Variants in CMIP observed in about 807,000 individuals in gnomAD.
The protein encoded by CMIP is C-Maf-inducing protein.
A neutral mutation model predicts 97.3 loss-of-function variants in CMIP; 13 were observed. The ratio of observed to expected loss-of-function variants is 0.13; its 90% confidence interval spans 0.09 to 0.21. The LOEUF is 0.21. CMIP is among the 10% of genes least tolerant of loss of function. The probability of loss-of-function intolerance (pLI) is 1.00; values close to 1 mark genes in which losing one functional copy is unlikely to be tolerated. For missense variants in CMIP, 847 were observed against 1,024.9 expected (o/e 0.83, Z 2.37); for synonymous variants, 538 against 436.3 (o/e 1.23, Z -2.91).
intron 1 of CMIP, among the ~76,000 whole-genome samples, chr16:81,469,501 C>T (rs967429420): frequency 2.6e-5 from 4 of 152,174 alleles, no homozygotes; most frequent in Non-Finnish European, 5.9e-5. Context: ...AAACAGAGGG[C>T]TCTTATTACT....
At chr16:81,595,300 C>T (rs1047572061) in intron 1 of CMIP, among the ~76,000 whole-genome samples, 3 of 151,900 alleles carry the variant, frequency 2.0e-5, no homozygotes, top group Non-Finnish European at 4.4e-5. Flanking sequence ...TTTGCCTATT[C>T]TGGACATCTT....
intron 3 of CMIP, among the ~76,000 whole-genome samples, chr16:81,642,446 A>G (rs2092317138): frequency 6.6e-6 from 1 of 152,238 alleles, no homozygotes. Flanking sequence ...AACAGAGTTC[A>G]GTAATTGTGT....
At chr16:81,619,727 C>T (rs1183357072) in intron 2 of CMIP, 2 of 152,176 alleles carry the variant, frequency 1.3e-5, no homozygotes, top group Admixed American at 6.5e-5. Flanking sequence ...TTCCTGGCCC[C>T]GCACCACATG....
At chr16:81,581,633 G>T (rs575022537) in intron 1 of CMIP, among the ~76,000 whole-genome samples, 1 of 152,282 alleles carries the variant, frequency 6.6e-6, no homozygotes, top group East Asian at 1.9e-4. Context: ...GTTCTTTGGG[G>T]TATTCACCTA....
At chr16:81,582,506 G>A (rs2091312610) in intron 1 of CMIP, among the ~76,000 whole-genome samples, 3 of 152,310 alleles carry the variant, frequency 2.0e-5, no homozygotes, top group Non-Finnish European at 4.4e-5. Flanking sequence ...TGGGTTTTCA[G>A]TTGTAAGGAC....
At chr16:81,552,155 G>C (rs2090672002) in intron 1 of CMIP, among the ~76,000 whole-genome samples, 1 of 152,152 alleles carries the variant, frequency 6.6e-6, no homozygotes, top group African/African-American at 2.4e-5. Context: ...TGGCTGCAAG[G>C]GGGCAGGGAG....
intron 3 of CMIP, among the ~76,000 whole-genome samples, chr16:81,623,449 G>C (rs964865337): frequency 3.9e-5 from 6 of 152,344 alleles, no homozygotes; most frequent in Admixed American, 2.6e-4. Context: ...CCACTTGCCA[G>C]GTGATCAATG....
intron 1 of CMIP, among the ~76,000 whole-genome samples, chr16:81,472,261 C>G (rs934089540): frequency 6.6e-6 from 1 of 152,222 alleles, no homozygotes; most frequent in South Asian, 2.1e-4. Flanking sequence ...ATGAGATTAG[C>G]AGCAGTGTTT....
chr16:81,645,587 A>G (rs990686296), intron 3 of CMIP: 4 of 1,535,980 alleles, frequency 2.6e-6, no homozygotes, highest in Non-Finnish European at 3.5e-6. Flanking sequence ...AGCGATGGCA[A>G]GTGTTGCCCA....
At chr16:81,707,127 T>A in intron 20 of CMIP, 43 bp downstream of exon 20, 1 of 1,550,034 alleles carries the variant, frequency 6.5e-7, no homozygotes, top group Non-Finnish European at 8.9e-7. Flanking sequence ...CTCCTTCTTC[T>A]AGCCAGCATC....
chr16:81,692,410 C>T (rs1906192703), intron 11 of CMIP, among the ~76,000 whole-genome samples: 1 of 152,176 alleles, frequency 6.6e-6, no homozygotes, highest in Admixed American at 6.5e-5. Context: ...AGAGAGAACG[C>T]TGTCTGGTGG....
intron 1 of CMIP, among the ~76,000 whole-genome samples, chr16:81,473,784 G>A (rs1907707700): frequency 6.7e-6 from 1 of 148,926 alleles, no homozygotes; most frequent in African/African-American, 2.5e-5. Flanking sequence ...CAAGTCTGCT[G>A]ACGTGTTTTA....
At position 81,678,635 on chromosome 16, in the gene CMIP, G is replaced by GGGCC; in HGVS notation, c.1388+7_1388+8insGGCC. On this transcript the variant is annotated splice_region_variant and intron_variant, in intron 10 of 20. Transcript: ENST00000537098. ...TGGAAATCCTCAAGCTGCTGTGAGT[G>GGGCC]CCCCCCCCGCGTGCCCGCCCCCGGG... is the stretch of plus-strand genomic sequence containing the variant. 1 of 1,369,316 alleles carries GGGCC rather than the reference G, an allele frequency of 7.3e-7. No homozygotes were observed. Among genetic ancestry groups the GGGCC allele is most frequent in the Non-Finnish European group, 1.0e-6 (1 of 977,558 alleles). The allele number at this position is 1,369,316 out of a possible 1,614,324, so 84.8% of individuals were successfully genotyped here. A position where few individuals can be genotyped will look rare whatever the true frequency, so the allele number is the denominator to read the frequency against.
intron 1 of CMIP, among the ~76,000 whole-genome samples, chr16:81,511,444 A>T (rs1242579401): frequency 1.3e-5 from 2 of 152,228 alleles, no homozygotes; most frequent in Non-Finnish European, 2.9e-5. Flanking sequence ...TCTTTAAGTT[A>T]GTCATCTGCC....
At chr16:81,661,546 C>G (rs1321506913) in intron 6 of CMIP, among the ~76,000 whole-genome samples, 4 of 152,166 alleles carry the variant, frequency 2.6e-5, no homozygotes, top group Non-Finnish European at 4.4e-5. Flanking sequence ...CTCAGCACTC[C>G]CCTGTCATAC....
At chr16:81,692,198 C>T (rs538790112) in intron 11 of CMIP, among the ~76,000 whole-genome samples, 1 of 152,328 alleles carries the variant, frequency 6.6e-6, no homozygotes, top group African/African-American at 2.4e-5. Flanking sequence ...ATACCTGCCG[C>T]TCCTCTTCCG....
chr16:81,551,789 C>G (rs1410017654), intron 1 of CMIP, among the ~76,000 whole-genome samples: 3 of 152,182 alleles, frequency 2.0e-5, no homozygotes, highest in Non-Finnish European at 4.4e-5. Flanking sequence ...GGCTGAGGCC[C>G]CTGTTGTGGA....
At chr16:81,691,428 G>A (rs1330145703) in intron 10 of CMIP, among the ~76,000 whole-genome samples, 1 of 152,196 alleles carries the variant, frequency 6.6e-6, no homozygotes, top group Non-Finnish European at 1.5e-5. Context: ...TTCAGTATAT[G>A]AATGGGGGGC....
Position 81,703,820 on chromosome 16 carries a change from G to GC in CMIP, c.1945-113dup, listed in dbSNP as rs1234398708. ...CCCATCTCAGCTCCTGGGATTTACC[G>GC]CCCCCCAGGAACAGCTCTCTGTAGG... On this transcript the variant is annotated intron_variant, in intron 17 of 20. Coordinates refer to ENST00000537098, the MANE Select transcript of CMIP (RefSeq NM_198390.3). 2.8e-5 allele frequency: 38 copies of GC among 1,334,682 alleles called. No homozygotes were observed. In the Admixed American group the frequency reaches 3.4e-4, roughly 12 times the overall value. The allele number at this position is 1,334,682 out of a possible 1,614,324, so 82.7% of individuals were successfully genotyped here.
Sources: gnomAD v4.1 joint callset for allele counts (sites outside exome capture counted in the v4.1 genomes callset) on GRCh38, gnomAD v4.1.1 for gene constraint, MANE v1.5 for transcripts, NCBI Gene and HGNC (gene_info 2026-07-23, HGNC 2026-07-21) for gene names.